The following RSPO2 variants were observed in gnomAD, a reference collection of about 807,000 sequenced individuals.
RSPO2 encodes R-spondin-2.
Under a neutral mutation model 30.9 loss-of-function variants are expected in RSPO2, and 14 were observed. That is an observed-to-expected ratio of 0.45 (90% confidence interval 0.30 to 0.71). RSPO2 has a LOEUF of 0.71. Among genes scored for constraint, RSPO2 ranks in the 30% least tolerant of loss-of-function variants. The pLI is 0.08. For synonymous variants in RSPO2, 107 were observed against 96.4 expected, an observed-to-expected ratio of 1.11 and a Z score of -0.64; for missense variants, 264 against 301.9, an observed-to-expected ratio of 0.87 and a Z score of 0.93.
At chr8:108,001,602 C>T (rs1815251040) in intron 2 of RSPO2, among the ~76,000 whole-genome samples, 1 of 152,200 alleles carries the variant, frequency 6.6e-6, no homozygotes, top group South Asian at 2.1e-4. Flanking sequence ...CAACTGCTAA[C>T]ACCAATAACA....
At chr8:107,949,493 A>G (rs1813174630) in intron 5 of RSPO2, among the ~76,000 whole-genome samples, 1 of 152,172 alleles carries the variant, frequency 6.6e-6, no homozygotes, top group Non-Finnish European at 1.5e-5. Flanking sequence ...ACTAGATACC[A>G]TGAAGTTCCA....
At chr8:108,023,431 A>T (rs1811113243) in intron 2 of RSPO2, among the ~76,000 whole-genome samples, 1 of 152,214 alleles carries the variant, frequency 6.6e-6, no homozygotes, top group Non-Finnish European at 1.5e-5. Context: ...ACCCGAGTTC[A>T]AGTGCATGAG....
At chr8:108,059,295 C>T (rs1055137844) in intron 2 of RSPO2, among the ~76,000 whole-genome samples, 23 of 151,740 alleles carry the variant, frequency 1.5e-4, no homozygotes, top group Non-Finnish European at 2.6e-4. Flanking sequence ...ATCAAAACCA[C>T]AATGAGATAC....
rs75611440 is a variant in RSPO2 at position 107,901,639 on chromosome 8, A to G, written c.617-449T>C. On this transcript the variant is annotated intron_variant, in intron 5 of 5. Transcript: ENST00000276659. Reference sequence around the variant, plus strand: ...CCTCTCTCCCTTTCCCCATGGGGGAAAAAGAGTCTTGCTTTTAACATTATT... The same window carrying G: ...CCTCTCTCCCTTTCCCCATGGGGGAGAAAGAGTCTTGCTTTTAACATTATT... Among the ~76,000 whole-genome samples the G allele has an allele frequency of 3.8e-3, 572 of 152,380 alleles. 6 individuals are homozygous for G. The highest frequency in any genetic ancestry group is 0.013 in the African/African-American group (541 of 41,600).
chr8:108,026,228 G>A (rs1241800989), intron 2 of RSPO2, among the ~76,000 whole-genome samples: 1 of 152,124 alleles, frequency 6.6e-6, no homozygotes, highest in Non-Finnish European at 1.5e-5. Context: ...TTCTTCAAAT[G>A]TCAAGGTCAT....
intron 5 of RSPO2, among the ~76,000 whole-genome samples, chr8:107,942,917 T>C (rs1812944415): frequency 6.6e-6 from 1 of 152,224 alleles, no homozygotes; most frequent in African/African-American, 2.4e-5. Flanking sequence ...AGCGGACAAA[T>C]GCACTAATTT....
chr8:108,037,081 A>T (rs1170116665), intron 2 of RSPO2, among the ~76,000 whole-genome samples: 2 of 152,198 alleles, frequency 1.3e-5, no homozygotes, highest in Non-Finnish European at 2.9e-5. Flanking sequence ...ATTCAAGAGG[A>T]GGAGTCCTAT....
chr8:107,910,972 A>G (rs1308266913), intron 5 of RSPO2, among the ~76,000 whole-genome samples: 1 of 152,188 alleles, frequency 6.6e-6, no homozygotes, highest in African/African-American at 2.4e-5. Flanking sequence ...ATCAAGTTAC[A>G]GATATTCAAT....
At chr8:108,079,724 C>T (rs971212582) in intron 2 of RSPO2, among the ~76,000 whole-genome samples, 15 of 151,922 alleles carry the variant, frequency 9.9e-5, no homozygotes, top group Admixed American at 5.2e-4. Context: ...AATCAGGTCC[C>T]AGGGGTAAGC....
intron 5 of RSPO2, among the ~76,000 whole-genome samples, chr8:107,944,602 C>A (rs1352249397): frequency 6.6e-6 from 1 of 152,130 alleles, no homozygotes; most frequent in Non-Finnish European, 1.5e-5. Context: ...CTGAGCAATT[C>A]TCAGGGATTA....
chr8:108,057,198 GA>G (rs1480067815), intron 2 of RSPO2, among the ~76,000 whole-genome samples: 1 of 146,956 alleles, frequency 6.8e-6, no homozygotes, highest in African/African-American at 2.5e-5. Context: ...TTTAAAATTT[GA>G]TGTTGAACAA....
intron 2 of RSPO2, among the ~76,000 whole-genome samples, chr8:108,030,576 A>G (rs1376778082): frequency 6.6e-6 from 1 of 152,182 alleles, no homozygotes; most frequent in Admixed American, 6.5e-5. Context: ...TAGAACACAC[A>G]CCATCCTTTA....
At chr8:107,922,890 T>G (rs1056536909) in intron 5 of RSPO2, among the ~76,000 whole-genome samples, 1 of 152,082 alleles carries the variant, frequency 6.6e-6, no homozygotes, top group Admixed American at 6.6e-5. Context: ...TGCAGAAGAT[T>G]GGAACTGGAC....
chr8:107,998,003 T>C (rs1815088900), intron 2 of RSPO2, among the ~76,000 whole-genome samples: 1 of 152,230 alleles, frequency 6.6e-6, no homozygotes, highest in Non-Finnish European at 1.5e-5. Flanking sequence ...TACAGATTTC[T>C]AATTCTGAAA....
chr8:108,033,586 A>G (rs944878190), intron 2 of RSPO2, among the ~76,000 whole-genome samples: 12 of 152,210 alleles, frequency 7.9e-5, no homozygotes, highest in Non-Finnish European at 5.9e-5. Flanking sequence ...ATGGGCATCA[A>G]TTTATTTTCA....
At position 108,003,294 on chromosome 8, in the gene RSPO2, TATATATATATATATATA is replaced by T. The variant is rs1337302845; in HGVS notation, c.95-14067_95-14051del. 4.3e-3 allele frequency among the ~76,000 whole-genome samples: 103 copies of T among 23,980 alleles called. 3 individuals carry two copies. The highest frequency in any genetic ancestry group is 0.012 in the South Asian group (7 of 562). 15.7% of individuals were successfully genotyped at this position (23,980 alleles called of 152,430 possible). On this transcript the variant is annotated intron_variant, in intron 2 of 5. Coordinates refer to ENST00000276659, the MANE Select transcript of RSPO2 (RefSeq NM_178565.5). Reference sequence around the variant, plus strand: ...GTGTGTGTGTATATATATATATATATATATATATATATATATATTTTTTTTTTTTTTTTTTTTTTTTT... The same window carrying T: ...GTGTGTGTGTATATATATATATATATTTTTTTTTTTTTTTTTTTTTTTTTT...
At chr8:108,067,250 C>A (rs1812700534) in intron 2 of RSPO2, among the ~76,000 whole-genome samples, 1 of 152,120 alleles carries the variant, frequency 6.6e-6, no homozygotes, top group South Asian at 2.1e-4. Flanking sequence ...TGTATAAAGA[C>A]ATTTTTGAGG....
At chr8:107,934,350 A>T (rs1459914152) in intron 5 of RSPO2, among the ~76,000 whole-genome samples, 1 of 150,494 alleles carries the variant, frequency 6.6e-6, no homozygotes, top group Non-Finnish European at 1.5e-5. Context: ...CTCATTACAT[A>T]CAAAGCATCT....
chr8:108,037,817 A>T (rs1436408704), intron 2 of RSPO2, among the ~76,000 whole-genome samples: 1 of 152,186 alleles, frequency 6.6e-6, no homozygotes, highest in Non-Finnish European at 1.5e-5. Flanking sequence ...CCTCCATGAC[A>T]GCACACCTGT....
Sources: allele counts gnomAD v4.1 joint callset (sites outside exome capture counted in the v4.1 genomes callset), GRCh38; gene constraint gnomAD v4.1.1; transcripts MANE v1.5; gene names NCBI Gene and HGNC (gene_info 2026-07-23, HGNC 2026-07-21).